ITGA9: variants seen among roughly 807,000 people sequenced by gnomAD.
The protein encoded by ITGA9 is integrin subunit alpha 9.
ITGA9 carries 56 observed loss-of-function variants against 127.8 expected under a neutral mutation model. The observed-to-expected ratio is 0.44, with a 90% confidence interval of 0.35 to 0.55. The LOEUF (loss-of-function observed/expected upper bound fraction) is 0.55. Among genes scored for constraint, ITGA9 ranks in the 20% least tolerant of loss-of-function variants. The pLI is 0.00. For missense variants in ITGA9, 1,196 were observed against 1,347.1 expected (o/e 0.89, Z 1.76); for synonymous variants, 508 against 514.5 (o/e 0.99, Z 0.17).
chr3:37,615,279 C>T (rs560314782), intron 15 of ITGA9, among the ~76,000 whole-genome samples: 18 of 152,202 alleles, frequency 1.2e-4, no homozygotes, highest in South Asian at 4.1e-4. Context: ...TATTGATTTG[C>T]GTATGTTGAA....
chr3:37,552,712 G>A (rs944808313), intron 15 of ITGA9, among the ~76,000 whole-genome samples: 8 of 152,080 alleles, frequency 5.3e-5, no homozygotes, highest in South Asian at 2.1e-4. Flanking sequence ...CACGTTTTTC[G>A]CATAAAACAT....
At chr3:37,518,932 G>C (rs545485206) in intron 10 of ITGA9, among the ~76,000 whole-genome samples, 145 of 151,720 alleles carry the variant, frequency 9.6e-4, no homozygotes, top group African/African-American at 3.3e-3. Context: ...CAACAGGTGC[G>C]TGCCACCACA....
intron 8 of ITGA9, among the ~76,000 whole-genome samples, chr3:37,510,790 C>T (rs1698896932): frequency 6.6e-6 from 1 of 152,164 alleles, no homozygotes; most frequent in South Asian, 2.1e-4. Flanking sequence ...TGGCCCTAAC[C>T]TTTGCACCAT....
intron 5 of ITGA9, 129 bp downstream of exon 5, chr3:37,494,697 C>A (rs1698708945): frequency 1.3e-6 from 1 of 769,556 alleles, no homozygotes. Context: ...GGAGCAGATT[C>A]TGGTCCTCAC....
At chr3:37,610,862 A>C (rs1700009306) in intron 15 of ITGA9, among the ~76,000 whole-genome samples, 1 of 152,214 alleles carries the variant, frequency 6.6e-6, no homozygotes, top group African/African-American at 2.4e-5. Context: ...GAGATGTAAT[A>C]GGTGGTATTT....
chr3:37,527,267 T>C (rs1430246084), intron 13 of ITGA9, among the ~76,000 whole-genome samples: 1 of 152,256 alleles, frequency 6.6e-6, no homozygotes, highest in Non-Finnish European at 1.5e-5. Flanking sequence ...GTGTGCTGCA[T>C]TCCTATGGCT....
At position 37,697,188 on chromosome 3, in the gene ITGA9, A is replaced by G. The variant is rs75903187; in HGVS notation, c.2067+13173A>G. On this transcript the variant is annotated intron_variant, in intron 18 of 27. Coordinates refer to ENST00000264741, the MANE Select transcript of ITGA9 (RefSeq NM_002207.3). ...ACTCGATTGTACTCAGACTTGCTGT[A>G]TTACCAACAGGTAATGTACAGGACA... 1.9e-3 allele frequency among the ~76,000 whole-genome samples: 293 copies of G among 152,252 alleles called. 2 individuals are homozygous for G. Among genetic ancestry groups the G allele is most frequent in the African/African-American group, 6.8e-3 (282 of 41,552 alleles).
intron 12 of ITGA9, among the ~76,000 whole-genome samples, chr3:37,523,990 C>A (rs1699069593): frequency 6.6e-6 from 1 of 152,242 alleles, no homozygotes; most frequent in African/African-American, 2.4e-5. Flanking sequence ...AAGAGCAGCA[C>A]CCCCACCGCC....
intron 23 of ITGA9, among the ~76,000 whole-genome samples, chr3:37,759,439 A>G (rs1439178955): frequency 3.3e-5 from 5 of 152,228 alleles, no homozygotes; most frequent in Non-Finnish European, 7.3e-5. Context: ...AGCTATTACA[A>G]ATGTTTAAAG....
intron 15 of ITGA9, among the ~76,000 whole-genome samples, chr3:37,603,541 G>A (rs376004004): frequency 3.5e-4 from 54 of 152,132 alleles, no homozygotes; most frequent in African/African-American, 1.1e-3. Context: ...TGGTTCTCCC[G>A]TCAGGTTATA....
intron 22 of ITGA9, chr3:37,748,245 G>C (rs1696531045): frequency 2.1e-6 from 1 of 486,658 alleles, no homozygotes; most frequent in South Asian, 1.7e-5. Flanking sequence ...TCAAGGGAAT[G>C]GGTACTGTTC....
intron 1 of ITGA9, among the ~76,000 whole-genome samples, chr3:37,469,550 G>A (rs1404110418): frequency 6.6e-6 from 1 of 152,038 alleles, no homozygotes; most frequent in African/African-American, 2.4e-5. Flanking sequence ...AACATTATCC[G>A]CACCCCCAGC....
At chr3:37,637,442 A>G (rs1194844485) in intron 16 of ITGA9, among the ~76,000 whole-genome samples, 1 of 152,052 alleles carries the variant, frequency 6.6e-6, no homozygotes, top group East Asian at 1.9e-4. Context: ...TTTGTCTGTT[A>G]TTGGTGTATA....
At chr3:37,582,664 T>C (rs1699721003) in intron 15 of ITGA9, among the ~76,000 whole-genome samples, 1 of 152,210 alleles carries the variant, frequency 6.6e-6, no homozygotes, top group Admixed American at 6.5e-5. Context: ...TATCTGGTCT[T>C]AGTGGGTTCT....
At chr3:37,655,099 G>A (rs1575182114) in intron 17 of ITGA9, among the ~76,000 whole-genome samples, 1 of 152,114 alleles carries the variant, frequency 6.6e-6, no homozygotes, top group Non-Finnish European at 1.5e-5. Context: ...TCATTGATGG[G>A]CATTTGGGTT....
intron 18 of ITGA9, among the ~76,000 whole-genome samples, chr3:37,695,978 G>A (rs1575196691): frequency 1.3e-5 from 2 of 152,166 alleles, no homozygotes; most frequent in East Asian, 3.8e-4. Flanking sequence ...GGCTTTCCCT[G>A]ATGGTGCTTT....
rs906746594 is a variant in ITGA9 at position 37,629,453 on chromosome 3, C to T, written c.1839+117C>T. 1 of 1,048,846 alleles carries T rather than the reference C, an allele frequency of 9.5e-7. No individual in the cohort carries two copies. The highest frequency in any genetic ancestry group is 1.4e-6 in the Non-Finnish European group (1 of 693,302). 65.0% of individuals were successfully genotyped at this position (1,048,846 alleles called of 1,614,324 possible). ...GCTGCTCAGGAGACCGCAGCCAGGA[C>T]ACACCTCCTCTCTGGGTCTCCCTTT... On this transcript the variant is annotated intron_variant, in intron 16 of 27. Transcript: ENST00000264741. This position sits in a 1 kb window ranked among gnomAD's most constrained non-coding sequence, Gnocchi z 4.5.
chr3:37,763,444 C>T (rs1343455367), intron 23 of ITGA9, among the ~76,000 whole-genome samples: 1 of 152,172 alleles, frequency 6.6e-6, no homozygotes, highest in African/African-American at 2.4e-5. Flanking sequence ...CTTTGAAATG[C>T]CAGCCCCCAT....
chr3:37,623,478 CT>C (rs1274930918), intron 15 of ITGA9, among the ~76,000 whole-genome samples: 1 of 152,116 alleles, frequency 6.6e-6, no homozygotes, highest in Non-Finnish European at 1.5e-5. Flanking sequence ...CTGGAAACAC[CT>C]CAAGGGAAAA....
Sources: allele counts gnomAD v4.1 joint callset (sites outside exome capture counted in the v4.1 genomes callset), GRCh38; gene constraint gnomAD v4.1.1; non-coding constraint Gnocchi (gnomAD v3.1); transcripts MANE v1.5; gene names NCBI Gene and HGNC (gene_info 2026-07-23, HGNC 2026-07-21).